Variants in SPTBN4 observed in about 807,000 individuals in gnomAD.
SPTBN4 encodes the protein spectrin beta chain, non-erythrocytic 4.
SPTBN4 carries 96 observed loss-of-function variants against 277.8 expected under a neutral mutation model. That is an observed-to-expected ratio of 0.35 (90% confidence interval 0.29 to 0.41). SPTBN4 has a LOEUF of 0.41. Among genes scored for constraint, SPTBN4 ranks in the 10% least tolerant of loss-of-function variants. The probability of loss-of-function intolerance (pLI) is 1.00; values close to 1 mark genes in which losing one functional copy is unlikely to be tolerated. For synonymous variants in SPTBN4, 1,481 were observed against 1,580.3 expected, an observed-to-expected ratio of 0.94 and a Z score of 1.49; for missense variants, 3,006 against 3,595.7, an observed-to-expected ratio of 0.84 and a Z score of 4.19.
rs1482647744 is a variant in SPTBN4, at chr19:40,494,975, C to G, written c.666C>G (p.His222Gln). 1 of 1,614,146 alleles carries G rather than the reference C, an allele frequency of 6.2e-7. No individual in the cohort carries two copies. The highest frequency in any genetic ancestry group is 1.3e-5 in the African/African-American group (1 of 75,056). ...GLAFNALIHR[H>Q]RPDLVDFSKL... The stretch of plus-strand genomic sequence containing the variant: ...CCTTCAATGCCCTCATTCACCGGCA[C>G]AGGTACCACCTGGCCTGGGACAGCC... The change falls in exon 6 of 36, where the codon CAC becomes CAG. Residue 222 changes from histidine (H) to glutamine (Q), a missense_variant and splice_region_variant. Physicochemically the swap from His to Gln is conservative, Grantham distance 24. Around this residue, in one of 5 missense-constraint regions of SPTBN4, gnomAD observed 1,759 missense variants for 2,061.5 expected, o/e 0.85. Coordinates refer to ENST00000598249, the MANE Select transcript of SPTBN4 (RefSeq NM_020971.3).
chr19:40,552,455 CAAAA>C (rs33935362), intron 22 of SPTBN4, among the ~76,000 whole-genome samples: 1 of 75,922 alleles, frequency 1.3e-5, no homozygotes, highest in African/African-American at 5.0e-5. Context: ...GACTCCGTCT[CAAAA>C]AAAAAAAAAA....
intron 13 of SPTBN4, among the ~76,000 whole-genome samples, chr19:40,508,063 T>A (rs1040278881): frequency 5.9e-5 from 9 of 152,224 alleles, no homozygotes; most frequent in African/African-American, 2.2e-4. Flanking sequence ...GTGGGTTCCA[T>A]CATTGCTCAG....
chr19:40,527,478 A>G (rs2080606424), intron 17 of SPTBN4, among the ~76,000 whole-genome samples: 1 of 152,250 alleles, frequency 6.6e-6, no homozygotes, highest in African/African-American at 2.4e-5. Context: ...TAAGTAACAT[A>G]TAGCACGTGT....
At chr19:40,557,431 G>C in intron 26 of SPTBN4, 28 bp downstream of exon 26, 2 of 1,534,206 alleles carry the variant, frequency 1.3e-6, no homozygotes, top group Non-Finnish European at 1.8e-6. Flanking sequence ...ATCAGGGCAG[G>C]TGGGAGGGCC....
intron 20 of SPTBN4, among the ~76,000 whole-genome samples, chr19:40,542,003 C>T (rs1410059152): frequency 6.6e-6 from 1 of 152,168 alleles, no homozygotes; most frequent in Non-Finnish European, 1.5e-5. Context: ...CTCGCTGCAA[C>T]CTCCGCCTCC....
chr19:40,530,668 C>T (rs1281479147), intron 18 of SPTBN4: 2 of 752,726 alleles, frequency 2.7e-6, no homozygotes, highest in Non-Finnish European at 3.2e-6. Flanking sequence ...GGCGCGTGCC[C>T]GCCCGTCGTG....
rs988795545 is a variant in SPTBN4, at chr19:40,504,029, C to T, written c.1562C>T (p.Thr521Ile). Residue 521 changes from threonine (T) to isoleucine (I), a missense_variant, in exon 12 of 36, where the codon ACT becomes ATT. By Grantham distance (89) the Thr-to-Ile change is moderately conservative. This residue lies in a region of SPTBN4 where 1,759 missense variants were observed against 2,061.5 expected (regional missense o/e 0.85). Transcript: ENST00000598249. The part of the protein sequence containing the change: ...DSVLRQWALL[T>I]GLVGARRTRL... ...GTCCTGCGCCAGTGGGCCCTGCTAA[C>T]TGGGCTTGTGGGTGCCCGGCGGACA... is the stretch of plus-strand genomic sequence containing the variant. 3 of 1,613,840 alleles carry T rather than the reference C, an allele frequency of 1.9e-6. No individual in the cohort carries two copies. The highest frequency in any genetic ancestry group is 2.5e-6 in the Non-Finnish European group (3 of 1,179,938).
intron 20 of SPTBN4, among the ~76,000 whole-genome samples, chr19:40,538,281 C>T (rs931610817): frequency 4.0e-5 from 6 of 151,802 alleles, no homozygotes; most frequent in African/African-American, 4.8e-5. Flanking sequence ...CCCAGCTACT[C>T]GGGAGGCTGG....
chr19:40,487,974 G>A, intron 3 of SPTBN4, 126 bp downstream of exon 3: 1 of 1,113,734 alleles, frequency 9.0e-7, no homozygotes, highest in Non-Finnish European at 1.2e-6. Flanking sequence ...CGTGCTGGAA[G>A]GGCCCTGTGG....
intron 15 of SPTBN4, among the ~76,000 whole-genome samples, chr19:40,518,787 C>T (rs2080488823): frequency 6.6e-6 from 1 of 152,020 alleles, no homozygotes; most frequent in Non-Finnish European, 1.5e-5. Context: ...CCTGTTAGAC[C>T]TGTGAGGCTG....
chr19:40,490,383 AAAT>A lies in SPTBN4; in HGVS notation c.495+139_495+141del. 8.9e-7 allele frequency: 1 copy of A among 1,123,618 alleles called. No individual in the cohort carries two copies. Among genetic ancestry groups the A allele is most frequent in the Non-Finnish European group, 1.2e-6 (1 of 805,122 alleles). The allele number at this position is 1,123,618 out of a possible 1,614,324, so 69.6% of individuals were successfully genotyped here. On this transcript the variant is annotated intron_variant, in intron 4 of 35. Coordinates refer to ENST00000598249, the MANE Select transcript of SPTBN4 (RefSeq NM_020971.3). This position sits in a 1 kb window ranked among gnomAD's most constrained non-coding sequence, Gnocchi z 4.3. The stretch of plus-strand genomic sequence containing the variant: ...ATCCTATTCCAGGTGTTAGGGATGA[AAAT>A]AATGATAAAAATAATTGTCACGATC...
chr19:40,534,000 G>A (rs775505202), intron 19 of SPTBN4, 80 bp from the exon 20 acceptor site: 2 of 1,474,632 alleles, frequency 1.4e-6, no homozygotes, highest in South Asian at 1.4e-5. Context: ...CCTGTGTCCT[G>A]TCACTCTCCC....
intron 13 of SPTBN4, among the ~76,000 whole-genome samples, chr19:40,511,100 A>AG (rs1372197699): frequency 2.6e-5 from 4 of 152,080 alleles, no homozygotes; most frequent in Non-Finnish European, 5.9e-5. Context: ...GCTAACACAG[A>AG]GGTTTTATAA....
At chr19:40,544,251 T>C (rs1254062321) in intron 20 of SPTBN4, among the ~76,000 whole-genome samples, 5 of 151,602 alleles carry the variant, frequency 3.3e-5, no homozygotes, top group African/African-American at 4.8e-5. Context: ...CAAGCAATTC[T>C]CCTGCCTCAG....
At position 40,472,665 on chromosome 19, in the gene SPTBN4, C is replaced by G; in HGVS notation, c.44C>G (p.Pro15Arg). 6.2e-7 allele frequency: 1 copy of G among 1,613,926 alleles called. No individual in the cohort carries two copies. ...PGEVDNMEGL[P>R]APNNNPAARW... ...GAAGTGGACAACATGGAGGGCCTGC[C>G]TGCTCCTAACAACAACCCTGCTGCC... The change falls in exon 2 of 36, where the codon CCT becomes CGT. Residue 15 changes from proline (P) to arginine (R), a missense_variant. By Grantham distance (103) the Pro-to-Arg change is moderately radical (BLOSUM62 -2). Around this residue, in one of 5 missense-constraint regions of SPTBN4, gnomAD observed 78 missense variants for 65.7 expected, o/e 1.19. Coordinates refer to ENST00000598249, the MANE Select transcript of SPTBN4 (RefSeq NM_020971.3).
At chr19:40,494,834 T>C in intron 5 of SPTBN4, 63 bp from the exon 6 acceptor site, 3 of 1,462,010 alleles carry the variant, frequency 2.1e-6, no homozygotes, top group Non-Finnish European at 2.9e-6. Context: ...CTCTGTCTTT[T>C]TCCCCTTTCT....
In SPTBN4 at chr19:40,515,488, C is replaced by T. The variant is rs1279954491; in HGVS notation, c.2903+40C>T. 2.0e-6 allele frequency: 3 copies of T among 1,524,834 alleles called. No individual in the cohort carries two copies. In the African/African-American group the frequency reaches 4.2e-5, roughly 21 times the overall value. The allele number at this position is 1,524,834 out of a possible 1,614,324, so 94.5% of individuals were successfully genotyped here. A position where few individuals can be genotyped will look rare whatever the true frequency, so the allele number is the denominator to read the frequency against. Reference sequence around the variant, plus strand: ...GGCTGGGAGTCCCTCCCATCCTTCCCTTCCACACTCACACAGCCATGGACA... The same window carrying T: ...GGCTGGGAGTCCCTCCCATCCTTCCTTTCCACACTCACACAGCCATGGACA... On this transcript the variant is annotated intron_variant, in intron 15 of 35. Coordinates refer to ENST00000598249, the MANE Select transcript of SPTBN4 (RefSeq NM_020971.3). The surrounding 1 kb of genome is among the most constrained non-coding windows in gnomAD (Gnocchi z 4.1).
Position 40,549,427 on chromosome 19 carries a change from A to C in SPTBN4, c.4584+14A>C. The stretch of plus-strand genomic sequence containing the variant: ...GACGACGAGCTGGTGAGGCCAGCGC[A>C]GGGGCCTGGGGCGGGGCGGGGCGGG... On this transcript the variant is annotated intron_variant, in intron 21 of 35. Coordinates refer to ENST00000598249, the MANE Select transcript of SPTBN4 (RefSeq NM_020971.3). 1.6e-5 allele frequency: 2 copies of C among 123,518 alleles called. No homozygotes were observed. The highest frequency in any genetic ancestry group is 2.3e-5 in the Non-Finnish European group (2 of 86,642). The allele number at this position is 123,518 out of a possible 1,614,324, so 7.7% of individuals were successfully genotyped here.
At chr19:40,471,180 C>T (rs2079880713) in intron 1 of SPTBN4, among the ~76,000 whole-genome samples, 1 of 152,110 alleles carries the variant, frequency 6.6e-6, no homozygotes, top group Admixed American at 6.6e-5. Flanking sequence ...CTCCTGACCT[C>T]AGGTGATCTA....
Sources: allele counts gnomAD v4.1 joint callset (sites outside exome capture counted in the v4.1 genomes callset), GRCh38; gene constraint gnomAD v4.1.1; regional missense constraint gnomAD v4.1.1; non-coding constraint Gnocchi (gnomAD v3.1); transcripts MANE v1.5; gene names NCBI Gene and HGNC (gene_info 2026-07-23, HGNC 2026-07-21).